GRIK4: variants seen among roughly 807,000 people sequenced by gnomAD.
GRIK4 encodes glutamate ionotropic receptor kainate type subunit 4.
Under a neutral mutation model 104.9 loss-of-function variants are expected in GRIK4, and 40 were observed. That is an observed-to-expected ratio of 0.38 (90% CI 0.30 to 0.50). The LOEUF is 0.50. Ranked by LOEUF, GRIK4 falls within the 20% of genes least tolerant of loss-of-function variation. GRIK4 has a pLI of 0.93. For missense variants in GRIK4, 1,047 were observed against 1,308.1 expected, an observed-to-expected ratio of 0.80 and a Z score of 3.08; for synonymous variants, 485 against 524.9, an observed-to-expected ratio of 0.92 and a Z score of 1.04.
chr11:120,576,120 G>C (rs539086963), intron 1 of GRIK4, among the ~76,000 whole-genome samples: 1 of 152,298 alleles, frequency 6.6e-6, no homozygotes, highest in South Asian at 2.1e-4. Context: ...ATTATTGAAT[G>C]TGTCGCCTAA....
intron 13 of GRIK4, among the ~76,000 whole-genome samples, chr11:120,918,492 GC>G (rs1943158860): frequency 6.6e-6 from 1 of 152,196 alleles, no homozygotes; most frequent in African/African-American, 2.4e-5. Context: ...TATGGTTTGT[GC>G]AGGTTAAGAC....
chr11:120,694,713 C>A (rs1230401096), intron 3 of GRIK4, among the ~76,000 whole-genome samples: 2 of 152,192 alleles, frequency 1.3e-5, no homozygotes, highest in East Asian at 3.9e-4. Flanking sequence ...TCCTGGGATG[C>A]AGCAGAGCTC....
chr11:120,914,646 G>C (rs1192899294), intron 13 of GRIK4, among the ~76,000 whole-genome samples: 1 of 152,172 alleles, frequency 6.6e-6, no homozygotes, highest in East Asian at 1.9e-4. Context: ...AGCATGAGAG[G>C]GGGTGGAGGA....
At chr11:120,795,764 GT>G (rs1324882780) in intron 3 of GRIK4, among the ~76,000 whole-genome samples, 3 of 152,256 alleles carry the variant, frequency 2.0e-5, no homozygotes, top group African/African-American at 4.8e-5. Flanking sequence ...ATTACTCTGG[GT>G]TTTTTTAAGT....
chr11:120,545,071 A>T (rs556867391), intron 1 of GRIK4, among the ~76,000 whole-genome samples: 1 of 152,194 alleles, frequency 6.6e-6, no homozygotes, highest in South Asian at 2.1e-4. Flanking sequence ...AGCTGGCCAG[A>T]GGCCAGCTGT....
chr11:120,673,256 T>C (rs1293251072), intron 3 of GRIK4, among the ~76,000 whole-genome samples: 2 of 152,224 alleles, frequency 1.3e-5, no homozygotes, highest in African/African-American at 4.8e-5. Flanking sequence ...GTATAGTAGG[T>C]GTCCACTAAA....
Position 120,835,322 on chromosome 11 carries a change from G to A in GRIK4, c.691-1469G>A, listed in dbSNP as rs950071687. Among the ~76,000 whole-genome samples the A allele has an allele frequency of 1.9e-4, 29 of 152,222 alleles. 1 individual carries two copies. The highest frequency in any genetic ancestry group is 1.3e-4 in the Non-Finnish European group (9 of 68,040). The stretch of plus-strand genomic sequence containing the variant: ...GCAGGCAGATCACTTGAGGTCAAGA[G>A]TTCAAGACCAGCCTGGCCAATATGG... On this transcript the variant is annotated intron_variant, in intron 7 of 20. Transcript: ENST00000527524.
chr11:120,583,340 G>A (rs1948613777), intron 1 of GRIK4, among the ~76,000 whole-genome samples: 1 of 152,180 alleles, frequency 6.6e-6, no homozygotes, highest in Non-Finnish European at 1.5e-5. Context: ...CTGTGCAGAA[G>A]CTCTTTAGTT....
At chr11:120,613,980 C>T (rs1376881834) in intron 1 of GRIK4, among the ~76,000 whole-genome samples, 1 of 152,174 alleles carries the variant, frequency 6.6e-6, no homozygotes, top group Non-Finnish European at 1.5e-5. Context: ...CTGTTTTCTC[C>T]CAGGAGTTTG....
At chr11:120,639,260 A>G (rs1949440008) in intron 1 of GRIK4, among the ~76,000 whole-genome samples, 1 of 152,222 alleles carries the variant, frequency 6.6e-6, no homozygotes, top group African/African-American at 2.4e-5. Context: ...GTCAAAGCCT[A>G]CAAAGCACAA....
intron 1 of GRIK4, among the ~76,000 whole-genome samples, chr11:120,533,330 G>A (rs1565540948): frequency 3.3e-5 from 5 of 152,196 alleles, no homozygotes; most frequent in Non-Finnish European, 5.9e-5. Context: ...CTAAGCATTG[G>A]GCAGAGTTCT....
At chr11:120,822,319 A>G (rs923031857) in intron 6 of GRIK4, among the ~76,000 whole-genome samples, 1 of 152,064 alleles carries the variant, frequency 6.6e-6, no homozygotes, top group African/African-American at 2.4e-5. Context: ...CAGTGAACAT[A>G]GATTCTAACC....
At chr11:120,599,294 T>C (rs1361970531) in intron 1 of GRIK4, among the ~76,000 whole-genome samples, 1 of 152,258 alleles carries the variant, frequency 6.6e-6, no homozygotes, top group African/African-American at 2.4e-5. Context: ...AATATTTCCC[T>C]GGACCAGCTG....
At chr11:120,540,419 G>A (rs1347895088) in intron 1 of GRIK4, among the ~76,000 whole-genome samples, 1 of 151,478 alleles carries the variant, frequency 6.6e-6, no homozygotes, top group African/African-American at 2.4e-5. Flanking sequence ...TCAGGAGTTC[G>A]AGACCAGCCT....
At chr11:120,534,083 G>A (rs1367515853) in intron 1 of GRIK4, among the ~76,000 whole-genome samples, 1 of 152,154 alleles carries the variant, frequency 6.6e-6, no homozygotes, top group African/African-American at 2.4e-5. Flanking sequence ...TGCCAAAAGA[G>A]CCAGGCACCG....
At chr11:120,668,285 A>G (rs184958700) in intron 3 of GRIK4, among the ~76,000 whole-genome samples, 16 of 151,030 alleles carry the variant, frequency 1.1e-4, no homozygotes, top group African/African-American at 2.9e-4. Flanking sequence ...AAAAGAGAGA[A>G]AGAGAGAAAG....
At chr11:120,569,023 A>G (rs1948364908) in intron 1 of GRIK4, among the ~76,000 whole-genome samples, 1 of 152,240 alleles carries the variant, frequency 6.6e-6, no homozygotes, top group African/African-American at 2.4e-5. Flanking sequence ...AATAAGAACA[A>G]CGGCTGTTGC....
At chr11:120,834,774 T>C (rs542870634) in intron 7 of GRIK4, among the ~76,000 whole-genome samples, 3 of 152,352 alleles carry the variant, frequency 2.0e-5, no homozygotes, top group Non-Finnish European at 4.4e-5. Flanking sequence ...ACGAACTCCA[T>C]GTTTACCCAG....
At chr11:120,744,764 C>A (rs1951409970) in intron 3 of GRIK4, among the ~76,000 whole-genome samples, 1 of 152,152 alleles carries the variant, frequency 6.6e-6, no homozygotes, top group Non-Finnish European at 1.5e-5. Flanking sequence ...TAATGGAATC[C>A]ATTTTCTTGC....
Sources: gnomAD v4.1 joint callset for allele counts (sites outside exome capture counted in the v4.1 genomes callset) on GRCh38, gnomAD v4.1.1 for gene constraint, MANE v1.5 for transcripts, NCBI Gene and HGNC (gene_info 2026-07-23, HGNC 2026-07-21) for gene names.